Variants in TADA2B observed in about 807,000 individuals in gnomAD.
TADA2B encodes the protein transcriptional adapter 2-beta.
In TADA2B, 13 loss-of-function variants were observed where a neutral mutation model predicts 34.5. The ratio of observed to expected loss-of-function variants is 0.38; its 90% CI spans 0.25 to 0.60. The LOEUF is 0.60. Among genes scored for constraint, TADA2B ranks in the 20% least tolerant of loss-of-function variants. The pLI is 0.65. For synonymous variants in TADA2B, 240 were observed against 243.4 expected (o/e 0.99, Z 0.13); for missense variants, 442 against 575.0 (o/e 0.77, Z 2.37).
intron 1 of TADA2B, among the ~76,000 whole-genome samples, chr4:7,047,656 G>C (rs1335267343): frequency 6.6e-6 from 1 of 152,258 alleles, no homozygotes; most frequent in Non-Finnish European, 1.5e-5. Context: ...GTGCCGTGTG[G>C]GCAAGTGGGC....
chr4:7,048,954 T>C (rs1723700173), intron 1 of TADA2B, among the ~76,000 whole-genome samples: 1 of 152,268 alleles, frequency 6.6e-6, no homozygotes, highest in Non-Finnish European at 1.5e-5. Context: ...ATAATGTGTT[T>C]ATCTACATAG....
At chr4:7,051,818 C>T (rs1232380764) in intron 1 of TADA2B, among the ~76,000 whole-genome samples, 1 of 152,152 alleles carries the variant, frequency 6.6e-6, no homozygotes, top group African/African-American at 2.4e-5. Context: ...AGGATGGTCT[C>T]GATCTCCTGA....
chr4:7,045,436 C>CT (rs2108782487), intron 1 of TADA2B, among the ~76,000 whole-genome samples: 1 of 152,338 alleles, frequency 6.6e-6, no homozygotes, highest in African/African-American at 2.4e-5. Context: ...CCGGAGCGAG[C>CT]TTTGGAAGCA....
chr4:7,048,563 T>C (rs1286454339), intron 1 of TADA2B, among the ~76,000 whole-genome samples: 3 of 152,166 alleles, frequency 2.0e-5, no homozygotes, highest in Non-Finnish European at 4.4e-5. Context: ...TTTAAAAATA[T>C]ATTGATTTTT....
At chr4:7,045,463 G>A (rs187966909) in intron 1 of TADA2B, among the ~76,000 whole-genome samples, 39 of 152,264 alleles carry the variant, frequency 2.6e-4, no homozygotes, top group South Asian at 4.1e-4. Flanking sequence ...GCCTCACACC[G>A]GCCTCAGTGG....
Position 7,054,293 on chromosome 4 carries a change from C to A in TADA2B, c.502C>A (p.Pro168Thr). ...TGAGCAGCAGCAGCTGGGCTACATGCCGCTGCGGGATGATTACGAGATCGA... is the reference window on the plus strand; with the variant it reads ...TGAGCAGCAGCAGCTGGGCTACATGACGCTGCGGGATGATTACGAGATCGA... ...VAEQQQLGYM[P>T]LRDDYEIEYD... Residue 168 changes from proline (P) to threonine (T), a missense_variant, in exon 2 of 2, where the codon CCG (proline) becomes ACG (threonine). Physicochemically the swap from Pro to Thr is conservative, Grantham distance 38. Transcript: ENST00000310074. 6.2e-7 allele frequency: 1 copy of A among 1,613,092 alleles called. No individual in the cohort carries two copies. Among genetic ancestry groups the A allele is most frequent in the Non-Finnish European group, 8.5e-7 (1 of 1,179,768 alleles).
In TADA2B at chr4:7,043,536, C is replaced by A; in HGVS notation, c.-44C>A. On this transcript the variant is annotated 5_prime_UTR_variant, in exon 1 of 2. Coordinates refer to ENST00000310074, the MANE Select transcript of TADA2B (RefSeq NM_152293.3). ...GGCGGGGCGCTGACGGCCGGGGGCG[C>A]GGCGGCTGCGGCGGGCCGGGCGGCG... The A allele has an allele frequency of 9.0e-7, 1 of 1,108,844 alleles. No homozygotes were observed. The highest frequency in any genetic ancestry group is 4.4e-5 in the East Asian group (1 of 22,550). 68.7% of individuals were successfully genotyped at this position (1,108,844 alleles called of 1,614,324 possible). A position where few individuals can be genotyped will look rare whatever the true frequency, so the allele number is the denominator to read the frequency against.
intron 1 of TADA2B, among the ~76,000 whole-genome samples, chr4:7,052,387 G>A (rs962058417): frequency 6.6e-6 from 1 of 152,230 alleles, no homozygotes; most frequent in South Asian, 2.1e-4. Context: ...AGGTAGACAC[G>A]GCCTGTAGTT....
At chr4:7,044,450 G>A (rs542557461) in intron 1 of TADA2B, among the ~76,000 whole-genome samples, 3 of 152,330 alleles carry the variant, frequency 2.0e-5, no homozygotes, top group Admixed American at 6.5e-5. Context: ...GCCTGGCCTG[G>A]GAGGCCTGGG....
chr4:7,049,064 T>C (rs1166021073), intron 1 of TADA2B, among the ~76,000 whole-genome samples: 1 of 149,302 alleles, frequency 6.7e-6, no homozygotes, highest in Non-Finnish European at 1.5e-5. Flanking sequence ...AAAAGTGGAA[T>C]TGCTAGGTTA....
At chr4:7,051,469 C>T (rs935677612) in intron 1 of TADA2B, among the ~76,000 whole-genome samples, 3 of 152,092 alleles carry the variant, frequency 2.0e-5, no homozygotes, top group Non-Finnish European at 2.9e-5. Flanking sequence ...GTAGACCCCA[C>T]GAGGCACACT....
chr4:7,049,978 C>T (rs1276704944), intron 1 of TADA2B, among the ~76,000 whole-genome samples: 1 of 152,256 alleles, frequency 6.6e-6, no homozygotes, highest in African/African-American at 2.4e-5. Context: ...GTGATGAGGA[C>T]AGCCTAGTCA....
In TADA2B at chr4:7,056,035, G is replaced by A. The variant is rs1487379081; in HGVS notation, c.*981G>A. On this transcript the variant is annotated 3_prime_UTR_variant, in exon 2 of 2. Coordinates refer to ENST00000310074, the MANE Select transcript of TADA2B (RefSeq NM_152293.3). ...CTTCAGTTGCAAGTACCTTTCCACT[G>A]AAAATATGAGCATGCCCGCCTGGCT... The A allele has an allele frequency of 1.3e-5, 2 of 152,380 alleles. No individual in the cohort carries two copies. The highest frequency in any genetic ancestry group is 4.8e-5 in the African/African-American group (2 of 41,470). The allele number at this position is 152,380 out of a possible 1,614,324, so 9.4% of individuals were successfully genotyped here. A position where few individuals can be genotyped will look rare whatever the true frequency, so the allele number is the denominator to read the frequency against.
In TADA2B at chr4:7,054,811, C is replaced by T. The variant is rs768705454; in HGVS notation, c.1020C>T (p.Ala340=). 5.6e-6 allele frequency: 9 copies of T among 1,613,840 alleles called. No homozygotes were observed. The South Asian group carries it at 6.6e-5, about 12-fold the overall frequency. The change falls in exon 2 of 2, where the codon GCC becomes GCT. Residue 340 remains alanine, a synonymous_variant. Coordinates refer to ENST00000310074, the MANE Select transcript of TADA2B (RefSeq NM_152293.3). ...GKEDGKDSEF[A]AIENLPGFEL... is the part of the protein sequence containing the mutation. ...AGGACGGCAAAGACAGCGAGTTCGC[C>T]GCCATTGAGAACCTTCCAGGCTTCG...
chr4:7,044,090 G>A (rs902370524), intron 1 of TADA2B, among the ~76,000 whole-genome samples: 4 of 152,274 alleles, frequency 2.6e-5, no homozygotes, highest in Non-Finnish European at 5.9e-5. Context: ...GGCTTTGAAC[G>A]CTGGCTTCTG....
In TADA2B at chr4:7,054,974, A is replaced by G. The variant is rs767583241; in HGVS notation, c.1183A>G (p.Ser395Gly). ...AATCCCCTCCAAAAGCCGCCTTCCT[A>G]GCTACCTGGACAAAGTCCTAAAGAA... is the stretch of plus-strand genomic sequence containing the variant. ...QGIPSKSRLPSYLDKVLKKRI... is the reference protein window; with the variant it reads ...QGIPSKSRLPGYLDKVLKKRI... Residue 395 changes from serine (S) to glycine (G), a missense_variant, in exon 2 of 2, where the codon AGC (serine) becomes GGC (glycine). Coordinates refer to ENST00000310074, the MANE Select transcript of TADA2B (RefSeq NM_152293.3). The G allele has an allele frequency of 3.5e-5, 57 of 1,613,846 alleles. No individual in the cohort carries two copies. In the Middle Eastern group the frequency reaches 4.9e-4, roughly 14 times the overall value.
At position 7,056,250 on chromosome 4, in the gene TADA2B, C is replaced by T. The variant is rs1351545596; in HGVS notation, c.*1196C>T. 2 of 152,636 alleles carry T rather than the reference C, an allele frequency of 1.3e-5. No homozygotes were observed. The highest frequency in any genetic ancestry group is 2.4e-5 in the African/African-American group (1 of 41,454). 9.5% of individuals were successfully genotyped at this position (152,636 alleles called of 1,614,324 possible). On this transcript the variant is annotated 3_prime_UTR_variant, in exon 2 of 2. Transcript: ENST00000310074. ...GACTCAGAAATGGCTTCTTCCCAGC[C>T]CTGCCTACAAGTTTTTCTCTGGGGT... is the stretch of plus-strand genomic sequence containing the variant.
intron 1 of TADA2B, among the ~76,000 whole-genome samples, chr4:7,048,642 G>A (rs758602565): frequency 2.6e-5 from 4 of 152,062 alleles, no homozygotes; most frequent in Non-Finnish European, 5.9e-5. Context: ...GAAGCATTAA[G>A]TCCACTCCCA....
chr4:7,050,836 C>T (rs1015439729), intron 1 of TADA2B, among the ~76,000 whole-genome samples: 1 of 152,240 alleles, frequency 6.6e-6, no homozygotes, highest in African/African-American at 2.4e-5. Context: ...CGGCTAGGAC[C>T]CCCTTCTGCT....
Sources: gnomAD v4.1 joint callset for allele counts (sites outside exome capture counted in the v4.1 genomes callset) on GRCh38, gnomAD v4.1.1 for gene constraint, MANE v1.5 for transcripts, NCBI Gene and HGNC (gene_info 2026-07-23, HGNC 2026-07-21) for gene names.